The following TTBK2 variants were observed in gnomAD, a reference collection of about 807,000 sequenced individuals.
TTBK2 encodes the protein tau-tubulin kinase 2.
A neutral mutation model predicts 110.8 loss-of-function variants in TTBK2; 28 were observed. The observed-to-expected ratio is 0.25, with a 90% confidence interval of 0.19 to 0.35. The LOEUF is 0.35. TTBK2 is among the 10% of genes least tolerant of loss of function. The pLI, the probability that TTBK2 is intolerant of heterozygous loss-of-function variation, is 1.00. For missense variants in TTBK2, 1,369 were observed against 1,500.3 expected (o/e 0.91, Z 1.45); for synonymous variants, 532 against 527.3 (o/e 1.01, Z -0.12).
chr15:42,858,493 T>C (rs1477824342), intron 3 of TTBK2, among the ~76,000 whole-genome samples: 1 of 152,210 alleles, frequency 6.6e-6, no homozygotes, highest in Admixed American at 6.5e-5. Context: ...ATGTTCATTA[T>C]ATAATTCTAT....
chr15:42,846,901 A>C (rs1893490964), intron 3 of TTBK2, among the ~76,000 whole-genome samples: 1 of 152,084 alleles, frequency 6.6e-6, no homozygotes, highest in Admixed American at 6.6e-5. Flanking sequence ...GAATAAGTGG[A>C]AGTGCTGGGG....
intron 1 of TTBK2, among the ~76,000 whole-genome samples, chr15:42,890,087 C>A (rs771126169): frequency 6.6e-6 from 1 of 152,190 alleles, no homozygotes; most frequent in Non-Finnish European, 1.5e-5. Flanking sequence ...GACATTCCAC[C>A]ATTGTGATTT....
chr15:42,909,122 C>T (rs539114659), intron 1 of TTBK2, among the ~76,000 whole-genome samples: 70 of 152,212 alleles, frequency 4.6e-4, no homozygotes, highest in African/African-American at 1.6e-3. Context: ...GTTGTTGTTG[C>T]TTTGCTTTGT....
intron 1 of TTBK2, among the ~76,000 whole-genome samples, chr15:42,898,507 T>C (rs1370944910): frequency 6.7e-6 from 1 of 148,552 alleles, no homozygotes; most frequent in Non-Finnish European, 1.5e-5. Flanking sequence ...TGAGACTCTG[T>C]CTCAAAAAGA....
intron 1 of TTBK2, chr15:42,908,189 G>C (rs2030525873): frequency 6.6e-6 from 1 of 152,218 alleles, no homozygotes; most frequent in African/African-American, 2.4e-5. Context: ...CGAAAGTACA[G>C]ATTAGGAGAG....
chr15:42,897,195 A>G (rs1895700326), intron 1 of TTBK2, among the ~76,000 whole-genome samples: 1 of 152,180 alleles, frequency 6.6e-6, no homozygotes, highest in South Asian at 2.1e-4. Context: ...TTTTTAATAC[A>G]GTAACTATCA....
intron 3 of TTBK2, among the ~76,000 whole-genome samples, chr15:42,864,545 C>G (rs1236872625): frequency 1.3e-5 from 2 of 151,892 alleles, no homozygotes; most frequent in African/African-American, 4.8e-5. Context: ...GATAGCGCCA[C>G]TGCACCCCAG....
At chr15:42,754,078 A>C (rs538166882) in intron 13 of TTBK2, among the ~76,000 whole-genome samples, 1 of 143,264 alleles carries the variant, frequency 7.0e-6, no homozygotes, top group East Asian at 2.0e-4. Context: ...GATTTCTCTA[A>C]TGTTTTCTTT....
At chr15:42,867,947 A>G (rs1894446437) in intron 3 of TTBK2, among the ~76,000 whole-genome samples, 1 of 152,234 alleles carries the variant, frequency 6.6e-6, no homozygotes, top group Non-Finnish European at 1.5e-5. Flanking sequence ...ACAATGGAAT[A>G]TTATTAAATG....
intron 9 of TTBK2, chr15:42,801,906 A>T: frequency 6.5e-7 from 1 of 1,543,020 alleles, no homozygotes; most frequent in Non-Finnish European, 8.9e-7. Flanking sequence ...CCACCAGCCC[A>T]TGCATGTTGC....
chr15:42,775,144 G>C lies in TTBK2; in HGVS notation c.1989C>G (p.Pro663=), dbSNP rs562481832. 6.2e-7 allele frequency: 1 copy of C among 1,613,534 alleles called. No individual in the cohort carries two copies. Among genetic ancestry groups the C allele is most frequent in the Admixed American group, 1.7e-5 (1 of 60,006 alleles). Residue 663 remains proline, a synonymous_variant, in exon 13 of 15, where the codon CCC becomes CCG. Coordinates refer to ENST00000267890, the MANE Select transcript of TTBK2 (RefSeq NM_173500.4). ...TSLMEAQAEG[P]LTAITIPRPS... is the part of the protein sequence containing the mutation. ...AAAACAAATTTCTTACCGCTGTAAG[G>C]GGTCCTTCTGCCTGCGCCTCCATTA...
At chr15:42,800,649 G>C in intron 9 of TTBK2, among the ~76,000 whole-genome samples, 1 of 151,916 alleles carries the variant, frequency 6.6e-6, no homozygotes, top group East Asian at 1.9e-4. Context: ...TTGAAAGGCA[G>C]ATTATTTAGA....
intron 1 of TTBK2, among the ~76,000 whole-genome samples, chr15:42,904,643 T>C (rs2030270901): frequency 6.6e-6 from 1 of 152,150 alleles, no homozygotes; most frequent in Non-Finnish European, 1.5e-5. Flanking sequence ...GAATAACATG[T>C]GGTGAAAAGT....
At chr15:42,884,296 G>T (rs1292214951) in intron 1 of TTBK2, among the ~76,000 whole-genome samples, 1 of 152,186 alleles carries the variant, frequency 6.6e-6, no homozygotes, top group Non-Finnish European at 1.5e-5. Context: ...ATATTTGGTT[G>T]TGATATTGTG....
At chr15:42,770,108 G>C (rs568360405) in intron 13 of TTBK2, among the ~76,000 whole-genome samples, 2 of 113,308 alleles carry the variant, frequency 1.8e-5, no homozygotes, top group Admixed American at 8.0e-5. Flanking sequence ...GTCGTGGGGT[G>C]GGGGGCAGGG....
At chr15:42,909,354 G>A (rs1238905084) in intron 1 of TTBK2, among the ~76,000 whole-genome samples, 1 of 152,170 alleles carries the variant, frequency 6.6e-6, no homozygotes, top group Non-Finnish European at 1.5e-5. Flanking sequence ...AAAGTCAGTA[G>A]TATAGCATCT....
intron 2 of TTBK2, 59 bp from the exon 3 acceptor site, chr15:42,872,817 C>A (rs1040728491): frequency 1.3e-6 from 2 of 1,585,366 alleles, no homozygotes; most frequent in South Asian, 1.1e-5. Flanking sequence ...AACTTGAAAG[C>A]AATTGATCTC....
intron 13 of TTBK2, among the ~76,000 whole-genome samples, chr15:42,757,798 T>C (rs747007155): frequency 3.9e-5 from 6 of 152,370 alleles, no homozygotes; most frequent in African/African-American, 7.2e-5. Flanking sequence ...ATTATGGCAT[T>C]AATCAATCAT....
chr15:42,857,842 G>A (rs1256050385), intron 3 of TTBK2, among the ~76,000 whole-genome samples: 1 of 151,934 alleles, frequency 6.6e-6, no homozygotes, highest in East Asian at 1.9e-4. Context: ...CAGTAATTTA[G>A]GAGGCTGAGG....
Sources: gnomAD v4.1 joint callset for allele counts (sites outside exome capture counted in the v4.1 genomes callset) on GRCh38, gnomAD v4.1.1 for gene constraint, MANE v1.5 for transcripts, NCBI Gene and HGNC (gene_info 2026-07-23, HGNC 2026-07-21) for gene names.